Variants in ZNF804A observed in about 807,000 individuals in gnomAD.
ZNF804A encodes the protein zinc finger protein 804A.
ZNF804A carries 2 observed loss-of-function variants against 16.5 expected under a neutral mutation model. The observed-to-expected ratio is 0.12, with a 90% CI of 0.05 to 0.38. ZNF804A has a LOEUF of 0.38. Among genes scored for constraint, ZNF804A ranks in the 10% least tolerant of loss-of-function variants. The pLI is 0.99. For synonymous variants in ZNF804A, 534 were observed against 489.6 expected, an observed-to-expected ratio of 1.09 and a Z score of -1.20; for missense variants, 1,473 against 1,390.7, an observed-to-expected ratio of 1.06 and a Z score of -0.94.
intron 1 of ZNF804A, among the ~76,000 whole-genome samples, chr2:184,657,531 G>A (rs1036597569): frequency 2.0e-5 from 3 of 152,192 alleles, no homozygotes; most frequent in Admixed American, 6.5e-5. Context: ...TCCCTTTTCC[G>A]ATAACTCTAT....
At chr2:184,854,658 T>G (rs1017238936) in intron 1 of ZNF804A, among the ~76,000 whole-genome samples, 2 of 152,050 alleles carry the variant, frequency 1.3e-5, no homozygotes, top group Non-Finnish European at 2.9e-5. Flanking sequence ...GATGTTGGAA[T>G]GACCTCTTTA....
At chr2:184,781,150 A>G (rs534266825) in intron 1 of ZNF804A, among the ~76,000 whole-genome samples, 2 of 151,864 alleles carry the variant, frequency 1.3e-5, no homozygotes, top group East Asian at 3.9e-4. Flanking sequence ...TTTCTTCCAG[A>G]ACTCTAGATT....
chr2:184,847,396 A>G (rs1475629888), intron 1 of ZNF804A, among the ~76,000 whole-genome samples: 3 of 152,084 alleles, frequency 2.0e-5, no homozygotes, highest in Admixed American at 1.3e-4. Context: ...TCCCTTTTAT[A>G]TTCTTCAAAA....
chr2:184,685,567 C>T (rs1195241960), intron 1 of ZNF804A, among the ~76,000 whole-genome samples: 2 of 152,104 alleles, frequency 1.3e-5, no homozygotes, highest in African/African-American at 4.8e-5. Flanking sequence ...AGTGACAGAA[C>T]AGCTCTCAGG....
At chr2:184,606,440 T>C (rs912936522) in intron 1 of ZNF804A, among the ~76,000 whole-genome samples, 4 of 152,098 alleles carry the variant, frequency 2.6e-5, no homozygotes, top group Non-Finnish European at 5.9e-5. Context: ...GCCCCTATGA[T>C]CCAGTCACTT....
At chr2:184,646,352 T>C (rs1317714903) in intron 1 of ZNF804A, among the ~76,000 whole-genome samples, 1 of 152,164 alleles carries the variant, frequency 6.6e-6, no homozygotes, top group African/African-American at 2.4e-5. Context: ...TCCAGCTTGG[T>C]GAACTGGAAC....
intron 1 of ZNF804A, among the ~76,000 whole-genome samples, chr2:184,768,582 TA>T (rs1308933687): frequency 6.6e-6 from 1 of 152,026 alleles, no homozygotes; most frequent in East Asian, 1.9e-4. Flanking sequence ...TCAGTAGGTT[TA>T]AAGTGGGGTC....
intron 2 of ZNF804A, among the ~76,000 whole-genome samples, chr2:184,872,510 T>C (rs1695991781): frequency 6.6e-6 from 1 of 151,898 alleles, no homozygotes; most frequent in Non-Finnish European, 1.5e-5. Flanking sequence ...TAAATACCAA[T>C]GAGAAGAACA....
intron 1 of ZNF804A, among the ~76,000 whole-genome samples, chr2:184,824,698 G>C (rs1396822566): frequency 6.6e-6 from 1 of 152,098 alleles, no homozygotes; most frequent in African/African-American, 2.4e-5. Flanking sequence ...AGTTAGGAAG[G>C]ATACCGTGTG....
In ZNF804A at chr2:184,648,602, C is replaced by A. The variant is rs559781413; in HGVS notation, c.111+49532C>A. Among the ~76,000 whole-genome samples, 62 of 151,956 alleles carry A rather than the reference C, an allele frequency of 4.1e-4. 2 individuals are homozygous for A. In the South Asian group the frequency reaches 0.011, roughly 28 times the overall value. On this transcript the variant is annotated intron_variant, in intron 1 of 3. Transcript: ENST00000302277. The stretch of plus-strand genomic sequence containing the variant: ...AGTAAAGGGTTGAAGAAAGATCTGC[C>A]ATAGAAATGAAAAACAAAAAAGAGC...
intron 1 of ZNF804A, among the ~76,000 whole-genome samples, chr2:184,863,697 T>G (rs1695833623): frequency 6.6e-6 from 1 of 152,194 alleles, no homozygotes; most frequent in African/African-American, 2.4e-5. Context: ...TCCAGAGAGC[T>G]AATTCAGCTT....
At chr2:184,921,277 A>G (rs1685524275) in intron 2 of ZNF804A, among the ~76,000 whole-genome samples, 1 of 152,172 alleles carries the variant, frequency 6.6e-6, no homozygotes, top group Non-Finnish European at 1.5e-5. Flanking sequence ...AAAACTCTAC[A>G]AAGTATTTGG....
At chr2:184,700,428 A>T (rs1692900612) in intron 1 of ZNF804A, among the ~76,000 whole-genome samples, 1 of 152,110 alleles carries the variant, frequency 6.6e-6, no homozygotes, top group Non-Finnish European at 1.5e-5. Context: ...TAGGCAGCCT[A>T]TAGTCATAAC....
At chr2:184,641,705 T>G (rs1691798844) in intron 1 of ZNF804A, among the ~76,000 whole-genome samples, 1 of 152,204 alleles carries the variant, frequency 6.6e-6, no homozygotes, top group Non-Finnish European at 1.5e-5. Context: ...GCTTTGTGAC[T>G]TTGCCAGGAA....
chr2:184,790,352 A>G (rs1306373511), intron 1 of ZNF804A, among the ~76,000 whole-genome samples: 3 of 151,858 alleles, frequency 2.0e-5, no homozygotes, highest in African/African-American at 7.3e-5. Context: ...GTAGATGTCT[A>G]TTAGGTCCAT....
At chr2:184,716,076 A>C (rs1435207981) in intron 1 of ZNF804A, among the ~76,000 whole-genome samples, 1 of 152,160 alleles carries the variant, frequency 6.6e-6, no homozygotes, top group Admixed American at 6.6e-5. Flanking sequence ...GTTGTGTTTA[A>C]TTTAAATTAC....
chr2:184,832,110 C>G (rs1695269851), intron 1 of ZNF804A, among the ~76,000 whole-genome samples: 1 of 151,986 alleles, frequency 6.6e-6, no homozygotes. Context: ...TACCAATTAA[C>G]TATGCAATTT....
At chr2:184,883,232 T>C (rs1057384252) in intron 2 of ZNF804A, among the ~76,000 whole-genome samples, 1 of 152,104 alleles carries the variant, frequency 6.6e-6, no homozygotes, top group Non-Finnish European at 1.5e-5. Context: ...CAGGACAAAA[T>C]TGAATCCCTG....
intron 2 of ZNF804A, among the ~76,000 whole-genome samples, chr2:184,890,752 C>G (rs918078106): frequency 6.6e-6 from 1 of 151,000 alleles, no homozygotes; most frequent in Admixed American, 6.6e-5. Context: ...CTTAAAATTC[C>G]CTTCAGTTTA....
Sources: gnomAD v4.1 joint callset for allele counts (sites outside exome capture counted in the v4.1 genomes callset) on GRCh38, gnomAD v4.1.1 for gene constraint, MANE v1.5 for transcripts, NCBI Gene and HGNC (gene_info 2026-07-23, HGNC 2026-07-21) for gene names.